PDZRN4: variants seen among roughly 807,000 people sequenced by gnomAD.
The protein encoded by PDZRN4 is PDZ domain-containing RING finger protein 4.
A neutral mutation model predicts 99.0 loss-of-function variants in PDZRN4; 70 were observed. The observed-to-expected ratio is 0.71, with a 90% CI of 0.58 to 0.86. The LOEUF is 0.86. PDZRN4 is among the 40% of genes least tolerant of loss of function. The pLI, the probability that PDZRN4 is intolerant of heterozygous loss-of-function variation, is 0.00. For missense variants in PDZRN4, 1,474 were observed against 1,331.2 expected (o/e 1.11, Z -1.67); for synonymous variants, 551 against 501.6 (o/e 1.10, Z -1.32).
At chr12:41,416,988 C>G (rs1014555482) in intron 3 of PDZRN4, among the ~76,000 whole-genome samples, 1 of 152,084 alleles carries the variant, frequency 6.6e-6, no homozygotes, top group African/African-American at 2.4e-5. Flanking sequence ...CTTAAAGAAA[C>G]TGGAATTTGA....
At chr12:41,306,912 A>G (rs770361858) in intron 3 of PDZRN4, among the ~76,000 whole-genome samples, 1 of 152,082 alleles carries the variant, frequency 6.6e-6, no homozygotes, top group Non-Finnish European at 1.5e-5. Context: ...AGCTTTTACC[A>G]TTTACATTTC....
intron 5 of PDZRN4, among the ~76,000 whole-genome samples, chr12:41,529,500 C>T (rs529763155): frequency 6.6e-6 from 1 of 152,292 alleles, no homozygotes; most frequent in South Asian, 2.1e-4. Flanking sequence ...GCATCAGACA[C>T]ACACATTTAT....
chr12:41,498,017 A>C (rs1938040173), intron 3 of PDZRN4, among the ~76,000 whole-genome samples: 2 of 152,078 alleles, frequency 1.3e-5, no homozygotes, highest in Non-Finnish European at 2.9e-5. Context: ...AATTATGAGA[A>C]TAAAAAATAA....
At chr12:41,475,531 C>T (rs778555176) in intron 3 of PDZRN4, among the ~76,000 whole-genome samples, 2 of 152,154 alleles carry the variant, frequency 1.3e-5, no homozygotes, top group Non-Finnish European at 2.9e-5. Flanking sequence ...ACATTCTTTG[C>T]AGCTTTAAAT....
intron 3 of PDZRN4, among the ~76,000 whole-genome samples, chr12:41,230,309 A>G (rs1367600): frequency 0.67 from 101,479 of 151,740 alleles, 34,063 homozygotes; most frequent in South Asian, 0.73. Flanking sequence ...CTCAGTTGCA[A>G]ATTTTTAGCC....
At chr12:41,331,090 C>T (rs182233039) in intron 3 of PDZRN4, among the ~76,000 whole-genome samples, 21 of 152,182 alleles carry the variant, frequency 1.4e-4, no homozygotes, top group Admixed American at 9.8e-4. Flanking sequence ...ATTGCAAATT[C>T]GTCCAATTGA....
intron 3 of PDZRN4, among the ~76,000 whole-genome samples, chr12:41,343,917 A>C (rs1168691083): frequency 6.6e-6 from 1 of 152,098 alleles, no homozygotes; most frequent in Admixed American, 6.6e-5. Context: ...ATTTATGTAA[A>C]GATATCAAAG....
At chr12:41,455,890 G>A (rs1209981768) in intron 3 of PDZRN4, among the ~76,000 whole-genome samples, 1 of 152,112 alleles carries the variant, frequency 6.6e-6, no homozygotes, top group Non-Finnish European at 1.5e-5. Context: ...CCTAATTAGG[G>A]AACCATTGTC....
chr12:41,319,119 G>A lies in PDZRN4; in HGVS notation c.843+124931G>A, dbSNP rs190194806. ...AGACCTCACTAGTACAAATGAGATC[G>A]TGGTCGCATTAATGCCTAAATTCTG... is the stretch of plus-strand genomic sequence containing the variant. On this transcript the variant is annotated intron_variant, in intron 3 of 9. Coordinates refer to ENST00000402685, the MANE Select transcript of PDZRN4 (RefSeq NM_001164595.2). 1.7e-3 allele frequency among the ~76,000 whole-genome samples: 256 copies of A among 152,224 alleles called. 1 individual carries two copies. The highest frequency in any genetic ancestry group is 5.9e-3 in the African/African-American group (245 of 41,544).
At chr12:41,225,099 T>C (rs960821465) in intron 3 of PDZRN4, among the ~76,000 whole-genome samples, 1 of 152,178 alleles carries the variant, frequency 6.6e-6, no homozygotes, top group African/African-American at 2.4e-5. Flanking sequence ...AGTCATGCTA[T>C]ACTGAGAAAA....
At position 41,567,604 on chromosome 12, in the gene PDZRN4, C is replaced by CTT. The variant is rs34848026; in HGVS notation, c.1468-165_1468-164dup. ...GGAAAGGATAAAAGGCATAAGAGTC[C>CTT]TTTTTTTTTTTTTTTATCACCTTTT... On this transcript the variant is annotated intron_variant, in intron 8 of 9. Coordinates refer to ENST00000402685, the MANE Select transcript of PDZRN4 (RefSeq NM_001164595.2). 8.1e-3 allele frequency among the ~76,000 whole-genome samples: 1,172 copies of CTT among 144,372 alleles called. 11 individuals carry two copies. The highest frequency in any genetic ancestry group is 0.033 in the South Asian group (148 of 4,500). The allele number at this position is 144,372 out of a possible 152,430, so 94.7% of individuals were successfully genotyped here.
intron 3 of PDZRN4, among the ~76,000 whole-genome samples, chr12:41,336,625 C>A (rs1356856303): frequency 6.6e-6 from 1 of 152,100 alleles, no homozygotes; most frequent in African/African-American, 2.4e-5. Flanking sequence ...AAGAGTAATT[C>A]ACGCAGAGTG....
At chr12:41,557,059 G>A (rs1330753059) in intron 7 of PDZRN4, among the ~76,000 whole-genome samples, 1 of 149,186 alleles carries the variant, frequency 6.7e-6, no homozygotes, top group African/African-American at 2.5e-5. Flanking sequence ...GCTGAGGCAG[G>A]AGAATCGCTT....
chr12:41,455,263 C>T (rs1279778500), intron 3 of PDZRN4, among the ~76,000 whole-genome samples: 1 of 152,044 alleles, frequency 6.6e-6, no homozygotes, highest in Non-Finnish European at 1.5e-5. Flanking sequence ...ATGGAATAGC[C>T]TACAAAGAGG....
At chr12:41,497,071 A>G (rs1010145002) in intron 3 of PDZRN4, among the ~76,000 whole-genome samples, 2 of 152,080 alleles carry the variant, frequency 1.3e-5, no homozygotes, top group Non-Finnish European at 2.9e-5. Flanking sequence ...ACAAATAGGT[A>G]TTTTCCAGCT....
intron 5 of PDZRN4, among the ~76,000 whole-genome samples, chr12:41,513,833 C>T (rs1238293343): frequency 1.3e-5 from 2 of 152,068 alleles, no homozygotes; most frequent in African/African-American, 4.8e-5. Flanking sequence ...GAATTATCTA[C>T]AGCATTTGCT....
intron 5 of PDZRN4, among the ~76,000 whole-genome samples, chr12:41,514,312 T>C (rs1009957991): frequency 6.6e-6 from 1 of 152,034 alleles, no homozygotes; most frequent in Non-Finnish European, 1.5e-5. Context: ...GCAAAATGTA[T>C]TTCCTGGAGC....
intron 3 of PDZRN4, among the ~76,000 whole-genome samples, chr12:41,428,538 C>T (rs184383535): frequency 2.0e-5 from 3 of 152,258 alleles, no homozygotes; most frequent in Admixed American, 1.3e-4. Context: ...ACCAAAAAGA[C>T]AGAGTCATGT....
At chr12:41,235,774 T>A (rs190817128) in intron 3 of PDZRN4, among the ~76,000 whole-genome samples, 46 of 152,310 alleles carry the variant, frequency 3.0e-4, no homozygotes, top group African/African-American at 1.1e-3. Flanking sequence ...CAACCTTTGA[T>A]GAAATGCATA....
Sources: allele counts gnomAD v4.1 joint callset (sites outside exome capture counted in the v4.1 genomes callset), GRCh38; gene constraint gnomAD v4.1.1; transcripts MANE v1.5; gene names NCBI Gene and HGNC (gene_info 2026-07-23, HGNC 2026-07-21).